The following KCTD16 variants were observed in gnomAD, a reference collection of about 807,000 sequenced individuals.
KCTD16 encodes BTB/POZ domain-containing protein KCTD16.
In KCTD16, 13 loss-of-function variants were observed where a neutral mutation model predicts 33.2. The observed-to-expected ratio is 0.39, with a 90% confidence interval of 0.25 to 0.62. KCTD16 has a LOEUF of 0.62. Ranked by LOEUF, KCTD16 falls within the 20% of genes least tolerant of loss-of-function variation. The pLI is 0.50. For missense variants in KCTD16, 441 were observed against 525.1 expected (o/e 0.84, Z 1.57); for synonymous variants, 197 against 195.3 (o/e 1.01, Z -0.07).
chr5:144,375,004 TTA>T (rs1752052533), intron 3 of KCTD16, among the ~76,000 whole-genome samples: 1 of 152,210 alleles, frequency 6.6e-6, no homozygotes, highest in Non-Finnish European at 1.5e-5. Context: ...AATTATGCAT[TTA>T]TTGCAACATC....
intron 3 of KCTD16, among the ~76,000 whole-genome samples, chr5:144,336,792 C>G (rs1561571877): frequency 6.6e-6 from 1 of 152,012 alleles, no homozygotes; most frequent in Non-Finnish European, 1.5e-5. Flanking sequence ...TGAAACCTGA[C>G]CTGCTTACTC....
chr5:144,266,552 G>T (rs899981965), intron 3 of KCTD16, among the ~76,000 whole-genome samples: 3 of 152,194 alleles, frequency 2.0e-5, no homozygotes, highest in African/African-American at 4.8e-5. Flanking sequence ...CAAAGCCTGA[G>T]AATCTAATGG....
At chr5:144,219,889 G>A (rs946890168) in intron 3 of KCTD16, among the ~76,000 whole-genome samples, 3 of 152,090 alleles carry the variant, frequency 2.0e-5, no homozygotes, top group Admixed American at 2.0e-4. Context: ...AGAGCAGATG[G>A]ACCTGTTAGA....
chr5:144,228,055 T>C (rs1039076971), intron 3 of KCTD16, among the ~76,000 whole-genome samples: 4 of 152,160 alleles, frequency 2.6e-5, no homozygotes, highest in African/African-American at 9.7e-5. Context: ...TCTGTGATTG[T>C]AGGGCAGAGT....
intron 3 of KCTD16, among the ~76,000 whole-genome samples, chr5:144,456,652 A>G (rs1049182561): frequency 1.3e-5 from 2 of 152,000 alleles, no homozygotes; most frequent in African/African-American, 4.8e-5. Context: ...CAATGACTTC[A>G]TTTAACTGGT....
At chr5:144,348,974 G>A (rs184879515) in intron 3 of KCTD16, among the ~76,000 whole-genome samples, 11 of 152,232 alleles carry the variant, frequency 7.2e-5, no homozygotes, top group East Asian at 1.9e-4. Context: ...AGGCAAAAAC[G>A]GGCCTGTGTA....
intron 3 of KCTD16, among the ~76,000 whole-genome samples, chr5:144,402,313 C>T (rs1752719223): frequency 6.6e-6 from 1 of 152,162 alleles, no homozygotes; most frequent in South Asian, 2.1e-4. Flanking sequence ...TCCTTCCCCA[C>T]CTCTCCTTAG....
intron 2 of KCTD16, among the ~76,000 whole-genome samples, chr5:144,187,336 C>T (rs1315987537): frequency 6.6e-6 from 1 of 151,978 alleles, no homozygotes; most frequent in East Asian, 1.9e-4. Context: ...TCTATTCATT[C>T]CTAGCACTGC....
At chr5:144,240,484 CTT>C (rs1388545454) in intron 3 of KCTD16, among the ~76,000 whole-genome samples, 1 of 152,056 alleles carries the variant, frequency 6.6e-6, no homozygotes, top group Non-Finnish European at 1.5e-5. Context: ...CATCCAGCCT[CTT>C]CTTTTGTTAA....
chr5:144,300,422 C>T (rs1751400354), intron 3 of KCTD16, among the ~76,000 whole-genome samples: 1 of 152,128 alleles, frequency 6.6e-6, no homozygotes, highest in Non-Finnish European at 1.5e-5. Context: ...CAGAACTTAC[C>T]AGCTGTACCA....
chr5:144,277,611 T>G (rs542574301), intron 3 of KCTD16, among the ~76,000 whole-genome samples: 63 of 152,328 alleles, frequency 4.1e-4, no homozygotes, highest in Non-Finnish European at 4.9e-4. Flanking sequence ...TTTAAATTGA[T>G]TTTTGAAAAC....
intron 3 of KCTD16, among the ~76,000 whole-genome samples, chr5:144,336,756 C>T (rs1752503533): frequency 6.6e-6 from 1 of 152,048 alleles, no homozygotes. Flanking sequence ...GAATCTACTT[C>T]CATCCATATG....
chr5:144,278,057 TG>T (rs1755486557), intron 3 of KCTD16, among the ~76,000 whole-genome samples: 1 of 152,214 alleles, frequency 6.6e-6, no homozygotes, highest in Non-Finnish European at 1.5e-5. Flanking sequence ...TTTTCTTTTA[TG>T]GGCTGTGCTT....
rs898870146 is a variant in KCTD16, at chr5:144,298,188, C to T, written c.832+90642C>T. Reference sequence around the variant, plus strand: ...TAATAGAGCCATAACATTCACCACACGGCCCAAGATTCCATTCCTTGAAAT... The same window carrying T: ...TAATAGAGCCATAACATTCACCACATGGCCCAAGATTCCATTCCTTGAAAT... On this transcript the variant is annotated intron_variant, in intron 3 of 3. Transcript: ENST00000512467. 7.9e-5 allele frequency among the ~76,000 whole-genome samples: 12 copies of T among 152,284 alleles called. No individual in the cohort carries two copies. In the South Asian group the frequency reaches 1.0e-3, roughly 13 times the overall value.
At chr5:144,298,313 G>A (rs1441944086) in intron 3 of KCTD16, among the ~76,000 whole-genome samples, 2 of 152,156 alleles carry the variant, frequency 1.3e-5, no homozygotes, top group Non-Finnish European at 2.9e-5. Context: ...AGGACCCCTC[G>A]GTAACACCAG....
At chr5:144,392,687 G>A (rs571225246) in intron 3 of KCTD16, among the ~76,000 whole-genome samples, 1 of 152,252 alleles carries the variant, frequency 6.6e-6, no homozygotes, top group Admixed American at 6.5e-5. Context: ...TTTAAGGGTA[G>A]GCATGAACCT....
intron 3 of KCTD16, among the ~76,000 whole-genome samples, chr5:144,395,884 C>T (rs1458697005): frequency 6.6e-6 from 1 of 152,204 alleles, no homozygotes. Flanking sequence ...CAAGCTCTGG[C>T]CCATGGGCCG....
chr5:144,203,522 C>A (rs1456654612), intron 2 of KCTD16, among the ~76,000 whole-genome samples: 1 of 152,120 alleles, frequency 6.6e-6, no homozygotes, highest in Non-Finnish European at 1.5e-5. Flanking sequence ...CTCTCTGTTC[C>A]TCAGTTCTGC....
intron 3 of KCTD16, among the ~76,000 whole-genome samples, chr5:144,362,032 CTG>C (rs1244208034): frequency 6.6e-6 from 1 of 151,874 alleles, no homozygotes; most frequent in Non-Finnish European, 1.5e-5. Flanking sequence ...AATGTGGTAA[CTG>C]TAATCAGTTT....
Sources: gnomAD v4.1 joint callset for allele counts (sites outside exome capture counted in the v4.1 genomes callset) on GRCh38, gnomAD v4.1.1 for gene constraint, MANE v1.5 for transcripts, NCBI Gene and HGNC (gene_info 2026-07-23, HGNC 2026-07-21) for gene names.